The following PPID variants were observed in gnomAD, a reference collection of about 807,000 sequenced individuals.
PPID encodes the protein peptidyl-prolyl cis-trans isomerase D.
A neutral mutation model predicts 48.1 loss-of-function variants in PPID; 47 were observed. The ratio of observed to expected loss-of-function variants is 0.98; its 90% CI spans 0.77 to 1.25. The LOEUF (loss-of-function observed/expected upper bound fraction) is 1.25, where lower values mean the gene tolerates loss of function less well. Ranked by LOEUF, PPID falls within the 50% of genes most tolerant of loss-of-function variation. The pLI is 0.00. For missense variants in PPID, 429 were observed against 443.5 expected (o/e 0.97, Z 0.29); for synonymous variants, 163 against 148.8 (o/e 1.10, Z -0.69).
intron 7 of PPID, 87 bp downstream of exon 7, chr4:158,713,032 G>A: frequency 7.3e-7 from 1 of 1,374,508 alleles, no homozygotes; most frequent in Non-Finnish European, 1.0e-6. Flanking sequence ...TATGCAATAA[G>A]ATATATTAAT....
At chr4:158,713,082 C>T (rs1177899661) in intron 7 of PPID, 37 bp downstream of exon 7, 4 of 1,606,380 alleles carry the variant, frequency 2.5e-6, no homozygotes, top group African/African-American at 2.7e-5. Context: ...AGTCTTAATC[C>T]AACTTATTCA....
Position 158,710,899 on chromosome 4 carries a change from G to T in PPID, c.895-51C>A, listed in dbSNP as rs774443247. ...TTATATCAAAGTATTAAGCTTATAT[G>T]CCAGATTTCAATTCATTGCCTATCA... On this transcript the variant is annotated intron_variant, in intron 7 of 9. Transcript: ENST00000307720. 3.4e-6 allele frequency: 5 copies of T among 1,482,638 alleles called. 1 individual carries two copies. The highest frequency in any genetic ancestry group is 1.7e-5 in the Admixed American group (1 of 57,196). The allele number at this position is 1,482,638 out of a possible 1,614,324, so 91.8% of individuals were successfully genotyped here.
intron 6 of PPID, 119 bp downstream of exon 6, chr4:158,715,176 CTA>C: frequency 1.2e-6 from 1 of 807,764 alleles, no homozygotes; most frequent in Non-Finnish European, 1.7e-6. Flanking sequence ...GGAAATGCAA[CTA>C]TTTCAACACA....
chr4:158,712,093 T>A (rs1255660450), intron 7 of PPID, among the ~76,000 whole-genome samples: 1 of 152,260 alleles, frequency 6.6e-6, no homozygotes, highest in East Asian at 1.9e-4. Context: ...TTCTACTTGC[T>A]CTGAGCATAG....
At chr4:158,721,203 A>G (rs1774953259) in intron 2 of PPID, 140 bp downstream of exon 2, 4 of 1,012,924 alleles carry the variant, frequency 3.9e-6, no homozygotes, top group Non-Finnish European at 5.7e-6. Context: ...AACCTTTACG[A>G]AACTGCGTTA....
intron 9 of PPID, 171 bp downstream of exon 9, chr4:158,710,457 A>G: frequency 1.5e-6 from 1 of 662,602 alleles, no homozygotes; most frequent in Admixed American, 2.8e-5. Flanking sequence ...CTTTGAGGGC[A>G]GGGACTTTGA....
intron 4 of PPID, among the ~76,000 whole-genome samples, chr4:158,716,065 T>G (rs571407994): frequency 6.1e-4 from 93 of 152,078 alleles, no homozygotes; most frequent in African/African-American, 2.2e-3. Context: ...CTGGGTAGTA[T>G]TATGGTCGTT....
chr4:158,717,338 A>T, intron 3 of PPID, 138 bp from the exon 4 acceptor site: 1 of 615,938 alleles, frequency 1.6e-6, no homozygotes, highest in Non-Finnish European at 2.4e-6. Context: ...ACTTTTTTTT[A>T]CTTTTCACTT....
At chr4:158,721,718 C>T (rs535080376) in intron 1 of PPID, among the ~76,000 whole-genome samples, 6 of 152,238 alleles carry the variant, frequency 3.9e-5, no homozygotes, top group East Asian at 3.9e-4. Flanking sequence ...TTAGGTCTCT[C>T]GTGATCAACA....
chr4:158,718,837 T>A (rs1039320522), intron 3 of PPID, among the ~76,000 whole-genome samples: 4 of 152,210 alleles, frequency 2.6e-5, no homozygotes, highest in Non-Finnish European at 5.9e-5. Flanking sequence ...GATGGTTTTG[T>A]TGCTCTTCAA....
At chr4:158,721,675 T>G (rs977319381) in intron 1 of PPID, among the ~76,000 whole-genome samples, 192 bp from the exon 2 acceptor site, 1 of 152,184 alleles carries the variant, frequency 6.6e-6, no homozygotes, top group African/African-American at 2.4e-5. Context: ...ATACAATAGA[T>G]CTCTTAAATT....
chr4:158,715,027 T>C (rs1774847425), intron 6 of PPID, among the ~76,000 whole-genome samples: 1 of 152,192 alleles, frequency 6.6e-6, no homozygotes, highest in African/African-American at 2.4e-5. Flanking sequence ...AACAACTTCC[T>C]ATCAAAATAG....
At chr4:158,711,404 T>C (rs1774789032) in intron 7 of PPID, among the ~76,000 whole-genome samples, 1 of 151,238 alleles carries the variant, frequency 6.6e-6, no homozygotes, top group Admixed American at 6.6e-5. Context: ...TTTTTTTTTT[T>C]TTAGAGACAG....
intron 2 of PPID, among the ~76,000 whole-genome samples, chr4:158,721,043 G>A (rs1448944350): frequency 6.6e-6 from 1 of 152,206 alleles, no homozygotes; most frequent in African/African-American, 2.4e-5. Context: ...ACCAGGCAAT[G>A]AAGCTACCTA....
intron 2 of PPID, among the ~76,000 whole-genome samples, chr4:158,720,483 C>T (rs1774939233): frequency 1.3e-5 from 2 of 152,012 alleles, no homozygotes; most frequent in African/African-American, 4.8e-5. Flanking sequence ...GTATTAGATG[C>T]CAAAAACAAA....
intron 4 of PPID, 89 bp downstream of exon 4, chr4:158,716,923 T>C: frequency 7.4e-7 from 1 of 1,352,098 alleles, no homozygotes; most frequent in Non-Finnish European, 1.0e-6. Context: ...ACCGCACCAC[T>C]GCACTCCAGC....
At position 158,713,630 on chromosome 4, in the gene PPID, A is replaced by G. The variant is rs1774824783; in HGVS notation, c.753-370T>C. 2.0e-5 allele frequency among the ~76,000 whole-genome samples: 3 copies of G among 152,298 alleles called. No individual in the cohort carries two copies. In the South Asian group the frequency reaches 6.2e-4, roughly 32 times the overall value. On this transcript the variant is annotated intron_variant, in intron 6 of 9. Transcript: ENST00000307720. ...GATGAAGGAGAACTCTATTGTGTTG[A>G]TTTTGCATTGTCCCTGAAAAGGGCC...
intron 2 of PPID, 70 bp from the exon 3 acceptor site, chr4:158,719,356 C>T (rs1221254137): frequency 4.0e-6 from 4 of 1,000,116 alleles, no homozygotes; most frequent in African/African-American, 1.6e-5. Flanking sequence ...CTAATGGATA[C>T]GTACGTAAGA....
chr4:158,710,454 G>A (rs761220111), intron 9 of PPID, 174 bp downstream of exon 9: 101 of 656,484 alleles, frequency 1.5e-4, no homozygotes, highest in Non-Finnish European at 2.4e-4. Flanking sequence ...GCTCTTTGAG[G>A]GCAGGGACTT....
Sources: allele counts gnomAD v4.1 joint callset (sites outside exome capture counted in the v4.1 genomes callset), GRCh38; gene constraint gnomAD v4.1.1; transcripts MANE v1.5; gene names NCBI Gene and HGNC (gene_info 2026-07-23, HGNC 2026-07-21).